Variants in TMEM17 observed in about 807,000 individuals in gnomAD.
TMEM17 encodes the protein transmembrane protein 17.
TMEM17 carries 15 observed loss-of-function variants against 19.1 expected under a neutral mutation model. The ratio of observed to expected loss-of-function variants is 0.78; its 90% CI spans 0.52 to 1.21. The LOEUF is 1.21. TMEM17 is among the 50% of genes most tolerant of loss of function. The pLI, the probability that TMEM17 is intolerant of heterozygous loss-of-function variation, is 0.00. For synonymous variants in TMEM17, 103 were observed against 86.9 expected (o/e 1.19, Z -1.03); for missense variants, 245 against 242.3 (o/e 1.01, Z -0.07).
At chr2:62,501,620 G>C in intron 3 of TMEM17, 133 bp from the exon 4 acceptor site, 3 of 862,434 alleles carry the variant, frequency 3.5e-6, no homozygotes, top group Non-Finnish European at 5.2e-6. Flanking sequence ...AGGATGACAT[G>C]GTCCTTGTCC....
chr2:62,464,259 G>T, the TMEM17 span, among the ~76,000 whole-genome samples: 14 of 152,334 alleles, frequency 9.2e-5, no homozygotes, highest in Non-Finnish European at 1.5e-4. Flanking sequence ...AGAGCTAAAA[G>T]AGCACTGTAA....
chr2:62,473,387 A>G, the TMEM17 span, among the ~76,000 whole-genome samples: 1 of 152,198 alleles, frequency 6.6e-6, no homozygotes. Context: ...GGAGGTGAGA[A>G]CATAGTAGAG....
At chr2:62,486,761 T>C in the TMEM17 span, among the ~76,000 whole-genome samples, 1 of 152,186 alleles carries the variant, frequency 6.6e-6, no homozygotes, top group African/African-American at 2.4e-5. Flanking sequence ...TCCCATCGAA[T>C]ATATGGGACA....
chr2:62,456,232 G>A, the TMEM17 span, among the ~76,000 whole-genome samples: 2 of 152,244 alleles, frequency 1.3e-5, no homozygotes, highest in Non-Finnish European at 2.9e-5. Context: ...CAGTTCTGCA[G>A]ATCAGAAATC....
chr2:62,505,903 C>T (rs936918804), intron 1 of TMEM17, 127 bp downstream of exon 1: 7 of 964,216 alleles, frequency 7.3e-6, no homozygotes, highest in African/African-American at 1.7e-5. Context: ...AAGGCGCTCT[C>T]CCGCACTGCG....
At chr2:62,474,424 G>T in the TMEM17 span, among the ~76,000 whole-genome samples, 1 of 152,176 alleles carries the variant, frequency 6.6e-6, no homozygotes. Flanking sequence ...AACCCACGCT[G>T]AAGCTGCGTC....
the TMEM17 span, among the ~76,000 whole-genome samples, chr2:62,464,427 C>T: frequency 3.3e-4 from 50 of 152,318 alleles, no homozygotes; most frequent in South Asian, 4.1e-3. Flanking sequence ...TTGAGCGCAG[C>T]GGGCTGAGTA....
the TMEM17 span, among the ~76,000 whole-genome samples, chr2:62,475,075 G>T: frequency 2.6e-5 from 4 of 152,204 alleles, no homozygotes; most frequent in Non-Finnish European, 5.9e-5. Context: ...CCATGTGCAA[G>T]CAGCAGGAGA....
the TMEM17 span, among the ~76,000 whole-genome samples, chr2:62,493,569 A>C: frequency 6.6e-6 from 1 of 152,202 alleles, no homozygotes; most frequent in Non-Finnish European, 1.5e-5. Flanking sequence ...GCACAGAATT[A>C]TATACTAGTG....
the TMEM17 span, among the ~76,000 whole-genome samples, chr2:62,469,173 T>C: frequency 6.6e-6 from 1 of 152,242 alleles, no homozygotes; most frequent in Admixed American, 6.5e-5. Flanking sequence ...AGAAGGTACA[T>C]ACCTAAATTG....
the TMEM17 span, among the ~76,000 whole-genome samples, chr2:62,458,486 G>A: frequency 2.6e-5 from 4 of 152,198 alleles, no homozygotes; most frequent in Non-Finnish European, 5.9e-5. Context: ...CACCAGCCAT[G>A]AGGCTTTGGG....
At chr2:62,456,326 G>A in the TMEM17 span, among the ~76,000 whole-genome samples, 1 of 152,238 alleles carries the variant, frequency 6.6e-6, no homozygotes, top group African/African-American at 2.4e-5. Flanking sequence ...CTAGCATCCA[G>A]AGCTGCAGTG....
At chr2:62,465,624 G>A in the TMEM17 span, among the ~76,000 whole-genome samples, 1 of 151,754 alleles carries the variant, frequency 6.6e-6, no homozygotes, top group Non-Finnish European at 1.5e-5. Context: ...AGCATTTTGT[G>A]AGGAGTAAAA....
intron 1 of TMEM17, among the ~76,000 whole-genome samples, chr2:62,503,810 T>C (rs1679995838): frequency 6.6e-6 from 1 of 152,226 alleles, no homozygotes; most frequent in Admixed American, 6.5e-5. Flanking sequence ...CACATAAGAA[T>C]GAATTAATGA....
At chr2:62,505,328 T>C (rs887528503) in intron 1 of TMEM17, among the ~76,000 whole-genome samples, 5 of 152,198 alleles carry the variant, frequency 3.3e-5, no homozygotes, top group African/African-American at 1.2e-4. Context: ...AGAAGCATCA[T>C]GGTATTTTGT....
At chr2:62,466,186 C>T in the TMEM17 span, among the ~76,000 whole-genome samples, 3 of 152,044 alleles carry the variant, frequency 2.0e-5, no homozygotes, top group African/African-American at 7.2e-5. Flanking sequence ...AGTTCTTCAC[C>T]AATGAGTGAA....
the TMEM17 span, among the ~76,000 whole-genome samples, chr2:62,459,664 T>G: frequency 6.6e-6 from 1 of 152,278 alleles, no homozygotes. Context: ...CATAAGCTCC[T>G]AACCTGAGAG....
intron 1 of TMEM17, 50 bp from the exon 2 acceptor site, chr2:62,502,844 CTATA>C: frequency 6.4e-6 from 7 of 1,085,458 alleles, no homozygotes; most frequent in Admixed American, 2.2e-5. Flanking sequence ...GGTTTATGCC[CTATA>C]TATATATATC....
chr2:62,488,427 G>A, the TMEM17 span, among the ~76,000 whole-genome samples: 20 of 150,260 alleles, frequency 1.3e-4, no homozygotes, highest in Middle Eastern at 6.9e-3. Context: ...TGAAGGAGGA[G>A]TAGACAATTT....
Sources: allele counts gnomAD v4.1 joint callset (sites outside exome capture counted in the v4.1 genomes callset), GRCh38; gene constraint gnomAD v4.1.1; transcripts MANE v1.5; gene names NCBI Gene and HGNC (gene_info 2026-07-23, HGNC 2026-07-21).